PARP11: variants seen among roughly 807,000 people sequenced by gnomAD.
PARP11 encodes the protein protein mono-ADP-ribosyltransferase PARP11.
A neutral mutation model predicts 42.9 loss-of-function variants in PARP11; 31 were observed. The observed-to-expected ratio is 0.72, with a 90% CI of 0.54 to 0.98. The LOEUF is 0.98. Ranked by LOEUF, PARP11 falls within the 50% of genes least tolerant of loss-of-function variation. The pLI, the probability that PARP11 is intolerant of heterozygous loss-of-function variation, is 0.00. For missense variants in PARP11, 365 were observed against 413.1 expected (o/e 0.88, Z 1.01); for synonymous variants, 137 against 127.3 (o/e 1.08, Z -0.51).
rs1240056774 is a variant in PARP11 at position 3,829,959 on chromosome 12, G to A, written c.78C>T (p.Asp26=). ...FSKTTNNEVD[D]MDTSDTQWGW... Reference sequence around the variant, plus strand: ...CCCACTGGGTATCTGACGTGTCCATGTCATCCACTTCATTGTTTGTTGTTT... The same window carrying A: ...CCCACTGGGTATCTGACGTGTCCATATCATCCACTTCATTGTTTGTTGTTT... Residue 26 remains aspartate, a synonymous_variant, in exon 2 of 8, where the codon GAC becomes GAT. Coordinates refer to ENST00000228820, the MANE Select transcript of PARP11 (RefSeq NM_020367.6). 1.9e-6 allele frequency: 3 copies of A among 1,613,576 alleles called. No homozygotes were observed. The highest frequency in any genetic ancestry group is 2.5e-6 in the Non-Finnish European group (3 of 1,179,496).
intron 3 of PARP11, among the ~76,000 whole-genome samples, chr12:3,828,320 G>T (rs751989001): frequency 6.6e-6 from 1 of 152,004 alleles, no homozygotes; most frequent in East Asian, 1.9e-4. Context: ...AGGTGGAGGC[G>T]GGTGGATCAG....
chr12:3,839,681 C>T (rs917353441), intron 1 of PARP11: 6 of 983,024 alleles, frequency 6.1e-6, no homozygotes, highest in South Asian at 1.3e-5. Flanking sequence ...AATGTTTCTC[C>T]TTCACAAGTA....
At chr12:3,857,243 T>C (rs916631906) in intron 1 of PARP11, among the ~76,000 whole-genome samples, 1 of 152,074 alleles carries the variant, frequency 6.6e-6, no homozygotes, top group African/African-American at 2.4e-5. Context: ...AACCTGTACG[T>C]TGTGCACATG....
intron 7 of PARP11, among the ~76,000 whole-genome samples, chr12:3,812,685 C>A (rs1947206627): frequency 6.6e-6 from 1 of 152,084 alleles, no homozygotes; most frequent in Non-Finnish European, 1.5e-5. Context: ...CCATCCCCTG[C>A]CCCCACCAAA....
chr12:3,823,196 G>A (rs969555424), intron 4 of PARP11, among the ~76,000 whole-genome samples: 6 of 152,082 alleles, frequency 3.9e-5, no homozygotes, highest in Non-Finnish European at 7.4e-5. Flanking sequence ...AATCAAATAG[G>A]TGATTTAAAA....
rs1188394082 is a variant in PARP11 at position 3,811,103 on chromosome 12, A to T, written c.*1020T>A. ...AGAATTATATCTAACTTTTCAAGAG[A>T]GTAGGTTGTCAACAGCTACTTCAAA... On this transcript the variant is annotated 3_prime_UTR_variant, in exon 8 of 8. Transcript: ENST00000228820. The T allele has an allele frequency of 6.6e-6, 1 of 152,222 alleles. No homozygotes were observed. The highest frequency in any genetic ancestry group is 2.4e-5 in the African/African-American group (1 of 41,446). 9.4% of individuals were successfully genotyped at this position (152,222 alleles called of 1,614,324 possible).
Position 3,840,743 on chromosome 12 carries a change from T to C in PARP11, c.19-10725A>G. On this transcript the variant is annotated intron_variant, in intron 1 of 7. Coordinates refer to ENST00000228820, the MANE Select transcript of PARP11 (RefSeq NM_020367.6). This position sits in a 1 kb window ranked among gnomAD's most constrained non-coding sequence, Gnocchi z 4.4. ...CAAAGACTCTATTCATGGACATAGT[T>C]GGATAAAAGACCCGAACCAAGCATA... The C allele has an allele frequency of 7.4e-7, 1 of 1,345,032 alleles. No individual in the cohort carries two copies. Among genetic ancestry groups the C allele is most frequent in the Non-Finnish European group, 1.1e-6 (1 of 934,480 alleles). 83.3% of individuals were successfully genotyped at this position (1,345,032 alleles called of 1,614,324 possible).
intron 1 of PARP11, among the ~76,000 whole-genome samples, chr12:3,846,684 G>T (rs768085105): frequency 6.6e-6 from 1 of 151,846 alleles, no homozygotes; most frequent in Admixed American, 6.6e-5. Flanking sequence ...GTGAACCCAG[G>T]AGGCAGAGCT....
intron 1 of PARP11, among the ~76,000 whole-genome samples, chr12:3,854,326 A>C (rs1256236791): frequency 6.6e-6 from 1 of 152,198 alleles, no homozygotes. Context: ...AAAACTCTTC[A>C]AAAAAACAAA....
At chr12:3,826,903 T>C (rs1387105054) in intron 3 of PARP11, among the ~76,000 whole-genome samples, 1 of 152,242 alleles carries the variant, frequency 6.6e-6, no homozygotes, top group Non-Finnish European at 1.5e-5. Flanking sequence ...AGTTAAGTAG[T>C]GATTCTTAAT....
intron 6 of PARP11, among the ~76,000 whole-genome samples, chr12:3,821,252 ACCGC>A (rs1947384733): frequency 6.6e-6 from 1 of 152,222 alleles, no homozygotes; most frequent in Non-Finnish European, 1.5e-5. Flanking sequence ...ATTTCAGAGA[ACCGC>A]TTATTTTAAT....
In PARP11 at chr12:3,852,504, T is replaced by C. The variant is rs1352882412; in HGVS notation, c.18+20708A>G. On this transcript the variant is annotated intron_variant, in intron 1 of 7. Coordinates refer to ENST00000228820, the MANE Select transcript of PARP11 (RefSeq NM_020367.6). Reference sequence around the variant, plus strand: ...TATGTGACGCATGCACAAGCTTCAGTAGCTGATTCAATCAAGTGGAAGAAA... The same window carrying C: ...TATGTGACGCATGCACAAGCTTCAGCAGCTGATTCAATCAAGTGGAAGAAA... Among the ~76,000 whole-genome samples the C allele has an allele frequency of 2.0e-5, 3 of 152,134 alleles. No individual in the cohort carries two copies. In the East Asian group the frequency reaches 5.8e-4, roughly 29 times the overall value.
chr12:3,856,353 T>A (rs1316403849), intron 1 of PARP11, among the ~76,000 whole-genome samples: 2 of 151,802 alleles, frequency 1.3e-5, no homozygotes, highest in Admixed American at 6.6e-5. Flanking sequence ...TGGGAAAAAA[T>A]TTTTGCAATC....
chr12:3,859,221 A>G (rs1325497240), intron 1 of PARP11, among the ~76,000 whole-genome samples: 1 of 152,152 alleles, frequency 6.6e-6, no homozygotes, highest in East Asian at 1.9e-4. Flanking sequence ...TATTATATAG[A>G]TGTGAATATT....
At position 3,830,021 on chromosome 12, in the gene PARP11, G is replaced by A; in HGVS notation, c.19-3C>T. 2 of 1,612,770 alleles carry A rather than the reference G, an allele frequency of 1.2e-6. No individual in the cohort carries two copies. Among genetic ancestry groups the A allele is most frequent in the Non-Finnish European group, 1.7e-6 (2 of 1,178,942 alleles). On this transcript the variant is annotated splice_region_variant and splice_polypyrimidine_tract_variant and intron_variant, in intron 1 of 7. Coordinates refer to ENST00000228820, the MANE Select transcript of PARP11 (RefSeq NM_020367.6). ...TCTTCTGCTTTGTGAAACATCTCCT[G>A]AAAAGCCAGAAGGAGGTGGAGGAAG... is the stretch of plus-strand genomic sequence containing the variant.
intron 1 of PARP11, among the ~76,000 whole-genome samples, chr12:3,849,264 A>T (rs1393620974): frequency 1.3e-5 from 2 of 152,112 alleles, no homozygotes; most frequent in African/African-American, 4.8e-5. Flanking sequence ...ACCTCAAAAA[A>T]AAATAGAACT....
intron 1 of PARP11, chr12:3,839,683 T>G: frequency 1.0e-6 from 1 of 991,404 alleles, no homozygotes; most frequent in Non-Finnish European, 1.6e-6. Flanking sequence ...TGTTTCTCCT[T>G]CACAAGTAAC....
In PARP11 at chr12:3,840,725, T is replaced by C. The variant is rs1591781355; in HGVS notation, c.19-10707A>G. ...TACAGAAGAACGAAAAGACAAAGAC[T>C]CTATTCATGGACATAGTTGGATAAA... On this transcript the variant is annotated intron_variant, in intron 1 of 7. Coordinates refer to ENST00000228820, the MANE Select transcript of PARP11 (RefSeq NM_020367.6). This position sits in a 1 kb window ranked among gnomAD's most constrained non-coding sequence, Gnocchi z 4.4. 1.4e-5 allele frequency: 18 copies of C among 1,284,240 alleles called. No individual in the cohort carries two copies. The East Asian group carries it at 3.9e-4, about 28-fold the overall frequency. The allele number at this position is 1,284,240 out of a possible 1,614,324, so 79.6% of individuals were successfully genotyped here.
At chr12:3,825,045 T>C (rs1479166697) in intron 4 of PARP11, among the ~76,000 whole-genome samples, 2 of 151,630 alleles carry the variant, frequency 1.3e-5, no homozygotes, top group Non-Finnish European at 2.9e-5. Flanking sequence ...TATTTCTTTC[T>C]TTAATCCTTT....
Sources: allele counts gnomAD v4.1 joint callset (sites outside exome capture counted in the v4.1 genomes callset), GRCh38; gene constraint gnomAD v4.1.1; non-coding constraint Gnocchi (gnomAD v3.1); transcripts MANE v1.5; gene names NCBI Gene and HGNC (gene_info 2026-07-23, HGNC 2026-07-21).